MAN1A2: variants seen among roughly 807,000 people sequenced by gnomAD.
MAN1A2 encodes mannosidase alpha class 1A member 2, also known as mannosyl-oligosaccharide 1,2-alpha-mannosidase IB.
A neutral mutation model predicts 75.7 loss-of-function variants in MAN1A2; 26 were observed. The ratio of observed to expected loss-of-function variants is 0.34; its 90% CI spans 0.25 to 0.48. The LOEUF (loss-of-function observed/expected upper bound fraction) is 0.48. MAN1A2 is among the 20% of genes least tolerant of loss of function. MAN1A2 has a pLI of 0.99. For synonymous variants in MAN1A2, 247 were observed against 264.6 expected (o/e 0.93, Z 0.65); for missense variants, 562 against 775.5 (o/e 0.72, Z 3.27).
chr1:117,468,234 G>T (rs1269245331), intron 8 of MAN1A2, among the ~76,000 whole-genome samples: 1 of 152,062 alleles, frequency 6.6e-6, no homozygotes, highest in Non-Finnish European at 1.5e-5. Context: ...GCGGGGAAAA[G>T]CCCCTTATAA....
chr1:117,449,983 G>A (rs1230350061), intron 6 of MAN1A2, among the ~76,000 whole-genome samples: 2 of 152,202 alleles, frequency 1.3e-5, no homozygotes, highest in African/African-American at 4.8e-5. Flanking sequence ...GAAGCAGCAA[G>A]TACCAGTAGA....
chr1:117,443,990 AGCCAACCC>A (rs1649127250), intron 6 of MAN1A2, among the ~76,000 whole-genome samples: 2 of 152,046 alleles, frequency 1.3e-5, no homozygotes, highest in Non-Finnish European at 2.9e-5. Context: ...GATGACTGAA[AGCCAACCC>A]ATCTTAATAA....
chr1:117,418,685 T>TAC (rs1296608534), intron 4 of MAN1A2, among the ~76,000 whole-genome samples: 2 of 152,140 alleles, frequency 1.3e-5, no homozygotes, highest in Non-Finnish European at 1.5e-5. Context: ...AAGACTTACA[T>TAC]TTTCATCAAG....
chr1:117,518,750 A>G lies in MAN1A2; in HGVS notation c.1794-4075A>G, dbSNP rs150587886. On this transcript the variant is annotated intron_variant, in intron 12 of 12. Transcript: ENST00000356554. ...CACAACAATAATGGAGGACTTCAGT[A>G]CTCCACTGACAGCACTAGACAGGTC... 8.1e-3 allele frequency among the ~76,000 whole-genome samples: 1,234 copies of G among 152,186 alleles called. 27 individuals are homozygous for G. Among genetic ancestry groups the G allele is most frequent in the African/African-American group, 0.028 (1,181 of 41,560 alleles).
chr1:117,459,480 C>T (rs71668696), intron 6 of MAN1A2, among the ~76,000 whole-genome samples: 20,960 of 152,126 alleles, frequency 0.14, 1,654 homozygotes, highest in Admixed American at 0.22. Context: ...ATTCCCAGGG[C>T]CATTTCTGGA....
intron 1 of MAN1A2, among the ~76,000 whole-genome samples, chr1:117,401,336 CTTGAATTAAAT>C (rs1315160507): frequency 1.3e-5 from 2 of 152,092 alleles, no homozygotes; most frequent in Non-Finnish European, 2.9e-5. Context: ...ATCTGCAGAG[CTTGAATTAAAT>C]TTCTGGAGAG....
intron 7 of MAN1A2, among the ~76,000 whole-genome samples, 191 bp downstream of exon 7, chr1:117,460,803 G>A (rs970605970): frequency 5.3e-5 from 8 of 152,094 alleles, no homozygotes; most frequent in African/African-American, 1.9e-4. Flanking sequence ...AATATGTATT[G>A]TTATTTGAGA....
intron 6 of MAN1A2, among the ~76,000 whole-genome samples, chr1:117,458,523 A>ATATATTT (rs1553236643): frequency 1.9e-5 from 2 of 105,608 alleles, no homozygotes; most frequent in African/African-American, 6.9e-5. Context: ...ATATATATAT[A>ATATATTT]TTTTTTTTTT....
intron 8 of MAN1A2, among the ~76,000 whole-genome samples, chr1:117,468,822 A>G (rs1162520178): frequency 2.6e-5 from 4 of 152,162 alleles, no homozygotes; most frequent in African/African-American, 9.6e-5. Context: ...GAGAGGAAAC[A>G]CTATAGAAAT....
At chr1:117,419,617 A>T (rs1041226476) in intron 4 of MAN1A2, among the ~76,000 whole-genome samples, 3 of 152,084 alleles carry the variant, frequency 2.0e-5, no homozygotes, top group Non-Finnish European at 2.9e-5. Context: ...TATTAAAATT[A>T]ACTATGAATG....
chr1:117,368,450 C>T lies in MAN1A2; in HGVS notation c.267C>T (p.Val89=). The T allele has an allele frequency of 6.2e-7, 1 of 1,613,290 alleles. No individual in the cohort carries two copies. The highest frequency in any genetic ancestry group is 8.5e-7 in the Non-Finnish European group (1 of 1,179,778). ...GTAAAGGGGCTAAAAACCCCGGAGTCTTCCTGATCCATGGACCCGATGAAC... is the reference window on the plus strand; with the variant it reads ...GTAAAGGGGCTAAAAACCCCGGAGTTTTCCTGATCCATGGACCCGATGAAC... The part of the protein sequence containing the change: ...DAGKGAKNPG[V]FLIHGPDEHR... The change falls in exon 1 of 13, where the codon GTC becomes GTT. Residue 89 remains valine (V), a synonymous_variant. Coordinates refer to ENST00000356554, the MANE Select transcript of MAN1A2 (RefSeq NM_006699.5).
intron 12 of MAN1A2, among the ~76,000 whole-genome samples, chr1:117,518,359 T>C (rs1293282423): frequency 6.6e-6 from 1 of 152,058 alleles, no homozygotes; most frequent in Non-Finnish European, 1.5e-5. Flanking sequence ...ACATATTTAC[T>C]AATAAAAACA....
At chr1:117,508,655 G>C (rs1189631877) in intron 12 of MAN1A2, among the ~76,000 whole-genome samples, 6 of 151,560 alleles carry the variant, frequency 4.0e-5, no homozygotes, top group African/African-American at 1.2e-4. Context: ...TTCAATAATA[G>C]CTGAATGGTT....
intron 6 of MAN1A2, among the ~76,000 whole-genome samples, chr1:117,445,489 A>G (rs1256332845): frequency 6.6e-6 from 1 of 152,062 alleles, no homozygotes. Flanking sequence ...CTTTGTTGGA[A>G]AGTTTTTAAT....
intron 1 of MAN1A2, among the ~76,000 whole-genome samples, chr1:117,390,585 C>G (rs1328963589): frequency 2.0e-5 from 3 of 151,562 alleles, no homozygotes; most frequent in African/African-American, 7.3e-5. Context: ...TGGTTTTTCT[C>G]TGTTCTTTTG....
rs1652062007 is a variant in MAN1A2, at chr1:117,527,583, AAG to A, written c.*4630_*4631del. 6.6e-6 allele frequency: 1 copy of A among 152,038 alleles called. No individual in the cohort carries two copies. The highest frequency in any genetic ancestry group is 1.5e-5 in the Non-Finnish European group (1 of 67,958). The allele number at this position is 152,038 out of a possible 1,614,324, so 9.4% of individuals were successfully genotyped here. ...GTTTCAGGACGATTGACTATAATGA[AAG>A]AGACAGAATAGGGTAAGGGAAGATG... On this transcript the variant is annotated 3_prime_UTR_variant, in exon 13 of 13. Transcript: ENST00000356554.
chr1:117,402,774 C>G (rs748661315), intron 2 of MAN1A2, among the ~76,000 whole-genome samples: 7 of 151,930 alleles, frequency 4.6e-5, no homozygotes, highest in Non-Finnish European at 8.8e-5. Flanking sequence ...CTTAAATGTT[C>G]AGTTACAAAG....
At chr1:117,505,566 C>A (rs1651333197) in intron 12 of MAN1A2, among the ~76,000 whole-genome samples, 2 of 151,122 alleles carry the variant, frequency 1.3e-5, no homozygotes, top group Admixed American at 6.6e-5. Context: ...AAAGGTCAAA[C>A]AAAAAGAAAC....
In MAN1A2 at chr1:117,525,020, G is replaced by A. The variant is rs1651968074; in HGVS notation, c.*2063G>A. On this transcript the variant is annotated 3_prime_UTR_variant, in exon 13 of 13. Coordinates refer to ENST00000356554, the MANE Select transcript of MAN1A2 (RefSeq NM_006699.5). ...GCAGAGCAGCAGTGCAGATGGCAAT[G>A]AACTCTCTGAATTCTCTTTTACCTT... 2.1e-6 allele frequency: 1 copy of A among 465,898 alleles called. No homozygotes were observed. Among genetic ancestry groups the A allele is most frequent in the Non-Finnish European group, 4.5e-6 (1 of 224,434 alleles). The allele number at this position is 465,898 out of a possible 1,614,324, so 28.9% of individuals were successfully genotyped here.
Sources: allele counts gnomAD v4.1 joint callset (sites outside exome capture counted in the v4.1 genomes callset), GRCh38; gene constraint gnomAD v4.1.1; transcripts MANE v1.5; gene names NCBI Gene and HGNC (gene_info 2026-07-23, HGNC 2026-07-21).